The following ASTN1 variants were observed in gnomAD, a reference collection of about 807,000 sequenced individuals.
The protein encoded by ASTN1 is astrotactin 1, also known as astrotactin-1.
Under a neutral mutation model 140.7 loss-of-function variants are expected in ASTN1, and 41 were observed. That is an observed-to-expected ratio of 0.29 (90% CI 0.23 to 0.38). The LOEUF (loss-of-function observed/expected upper bound fraction) is 0.38. Ranked by LOEUF, ASTN1 falls within the 10% of genes least tolerant of loss-of-function variation. The pLI is 1.00. For synonymous variants in ASTN1, 640 were observed against 652.2 expected (o/e 0.98, Z 0.29); for missense variants, 1,479 against 1,678.8 (o/e 0.88, Z 2.08).
chr1:177,035,419 T>C (rs1364965921), intron 2 of ASTN1, among the ~76,000 whole-genome samples: 3 of 152,178 alleles, frequency 2.0e-5, no homozygotes, highest in African/African-American at 7.2e-5. Flanking sequence ...ATTCAAATAC[T>C]CAAATTTCAA....
In ASTN1 at chr1:177,040,244, T is replaced by C. The variant is rs550120173; in HGVS notation, c.472-7395A>G. Among the ~76,000 whole-genome samples the C allele has an allele frequency of 2.0e-4, 30 of 152,368 alleles. No individual in the cohort carries two copies. The South Asian group carries it at 2.5e-3, about 13-fold the overall frequency. On this transcript the variant is annotated intron_variant, in intron 2 of 22. Coordinates refer to ENST00000361833, the MANE Select transcript of ASTN1 (RefSeq NM_004319.3). ...AGATTACCTCCTCTTGGGGGTTTTCTGAAGTCTTTAATCGTGTGGAAAGGC... is the reference window on the plus strand; with the variant it reads ...AGATTACCTCCTCTTGGGGGTTTTCCGAAGTCTTTAATCGTGTGGAAAGGC...
chr1:176,998,772 A>G (rs558186713), intron 8 of ASTN1, among the ~76,000 whole-genome samples: 1 of 152,322 alleles, frequency 6.6e-6, no homozygotes, highest in East Asian at 1.9e-4. Flanking sequence ...TGTCACCCAC[A>G]AAACTGCTTA....
intron 20 of ASTN1, among the ~76,000 whole-genome samples, chr1:176,878,533 CCATATGCTGATGTTTCATCA>C (rs1418481674): frequency 6.6e-6 from 1 of 151,984 alleles, no homozygotes; most frequent in East Asian, 1.9e-4. Context: ...GCCCCACATG[CCATATGCTGATGTTTCATCA>C]GCTTCTGGTA....
At chr1:177,022,587 C>T (rs1173073327) in intron 7 of ASTN1, among the ~76,000 whole-genome samples, 4 of 152,130 alleles carry the variant, frequency 2.6e-5, no homozygotes, top group Non-Finnish European at 5.9e-5. Flanking sequence ...TCAGGGAAAC[C>T]CCAGCTCCAT....
chr1:177,025,848 G>A (rs1452588622), intron 5 of ASTN1, among the ~76,000 whole-genome samples: 2 of 152,148 alleles, frequency 1.3e-5, no homozygotes, highest in African/African-American at 4.8e-5. Context: ...CAGTGCTCAG[G>A]GTTTGATGTG....
At chr1:176,946,706 C>G (rs889924350) in intron 12 of ASTN1, among the ~76,000 whole-genome samples, 1 of 152,178 alleles carries the variant, frequency 6.6e-6, no homozygotes, top group Non-Finnish European at 1.5e-5. Context: ...TTAGGAGTAG[C>G]CTTCCTGAAC....
rs554726991 is a variant in ASTN1, at chr1:177,058,257, T to C, written c.471+2821A>G. 6.6e-5 allele frequency among the ~76,000 whole-genome samples: 10 copies of C among 152,268 alleles called. No individual in the cohort carries two copies. In the South Asian group the frequency reaches 1.0e-3, roughly 16 times the overall value. On this transcript the variant is annotated intron_variant, in intron 2 of 22. Transcript: ENST00000361833. ...TCCTGTTCTGTGGAAGTCAAAGGCC[T>C]TCCTGATTTTTTTATGGAGATGTTG...
rs752231658 is a variant in ASTN1 at position 177,014,049 on chromosome 1, TA to T, written c.1523+741del. Among the ~76,000 whole-genome samples, 1,032 of 134,340 alleles carry T rather than the reference TA, an allele frequency of 7.7e-3. 6 individuals carry two copies. Among genetic ancestry groups the T allele is most frequent in the Middle Eastern group, 0.027 (7 of 264 alleles). The allele number at this position is 134,340 out of a possible 152,430, so 88.1% of individuals were successfully genotyped here. A position where few individuals can be genotyped will look rare whatever the true frequency, so the allele number is the denominator to read the frequency against. On this transcript the variant is annotated intron_variant, in intron 8 of 22. Coordinates refer to ENST00000361833, the MANE Select transcript of ASTN1 (RefSeq NM_004319.3). ...CAACAAAGCAAGACAATGTCTCAAT[TA>T]AAAAAAAAAAAAAGGCAATAGAAAG...
intron 13 of ASTN1, among the ~76,000 whole-genome samples, chr1:176,945,032 C>T (rs1671892491): frequency 6.6e-6 from 1 of 152,118 alleles, no homozygotes; most frequent in African/African-American, 2.4e-5. Flanking sequence ...TACTGACATC[C>T]TCCTCCTCTT....
At chr1:176,894,254 T>G (rs1398474135) in intron 17 of ASTN1, among the ~76,000 whole-genome samples, 1 of 151,518 alleles carries the variant, frequency 6.6e-6, no homozygotes, top group Non-Finnish European at 1.5e-5. Context: ...GGCACGAGGG[T>G]TCTCTGAACA....
At chr1:177,055,389 G>A (rs141382454) in intron 2 of ASTN1, among the ~76,000 whole-genome samples, 3 of 152,362 alleles carry the variant, frequency 2.0e-5, no homozygotes, top group African/African-American at 7.2e-5. Flanking sequence ...CCAAACCTTA[G>A]TTGGCACTTG....
intron 8 of ASTN1, among the ~76,000 whole-genome samples, chr1:176,974,845 G>C (rs1244297595): frequency 6.6e-6 from 1 of 152,130 alleles, no homozygotes; most frequent in African/African-American, 2.4e-5. Flanking sequence ...AAACATAAAT[G>C]TAGTGTTCAC....
At chr1:176,915,470 C>T (rs189923881) in intron 16 of ASTN1, among the ~76,000 whole-genome samples, 103 of 152,322 alleles carry the variant, frequency 6.8e-4, no homozygotes, top group South Asian at 3.1e-3. Context: ...TTCCCAGCAA[C>T]CTCCAGAACA....
chr1:177,002,376 AACACACACACACACACAC>A (rs3979529), intron 8 of ASTN1, among the ~76,000 whole-genome samples: 7 of 148,676 alleles, frequency 4.7e-5, no homozygotes, highest in Admixed American at 1.3e-4. Flanking sequence ...CTTACACACA[AACACACACACACACACAC>A]ACACACACAC....
chr1:176,950,927 A>C lies in ASTN1; in HGVS notation c.1888-1576T>G, dbSNP rs956381965. On this transcript the variant is annotated intron_variant, in intron 11 of 22. Coordinates refer to ENST00000361833, the MANE Select transcript of ASTN1 (RefSeq NM_004319.3). Reference sequence around the variant, plus strand: ...TGGTTTGCACTTTCTCTTTGCTGCCAAGCACCTTGTCTTAGTAGCCCACAG... The same window carrying C: ...TGGTTTGCACTTTCTCTTTGCTGCCCAGCACCTTGTCTTAGTAGCCCACAG... 2.0e-5 allele frequency among the ~76,000 whole-genome samples: 3 copies of C among 152,084 alleles called. No individual in the cohort carries two copies. The South Asian group carries it at 6.2e-4, about 32-fold the overall frequency.
chr1:176,895,204 A>T (rs1359537165), intron 16 of ASTN1, among the ~76,000 whole-genome samples: 1 of 152,220 alleles, frequency 6.6e-6, no homozygotes, highest in East Asian at 1.9e-4. Flanking sequence ...TATGTCTAGC[A>T]TTGGGTAATG....
intron 1 of ASTN1, among the ~76,000 whole-genome samples, chr1:177,107,240 T>C (rs1432346531): frequency 6.6e-6 from 1 of 151,894 alleles, no homozygotes; most frequent in Non-Finnish European, 1.5e-5. Flanking sequence ...TGGTAGAGGG[T>C]TCATAGCTCA....
At chr1:177,054,040 G>A (rs1677674015) in intron 2 of ASTN1, among the ~76,000 whole-genome samples, 1 of 152,204 alleles carries the variant, frequency 6.6e-6, no homozygotes. Context: ...AAAAGTTGGT[G>A]AAATGACACA....
chr1:177,012,573 G>A (rs1435763723), intron 8 of ASTN1, among the ~76,000 whole-genome samples: 1 of 152,224 alleles, frequency 6.6e-6, no homozygotes, highest in African/African-American at 2.4e-5. Flanking sequence ...GTTTCTGTCA[G>A]TCTATAACTC....
Sources: allele counts gnomAD v4.1 joint callset (sites outside exome capture counted in the v4.1 genomes callset), GRCh38; gene constraint gnomAD v4.1.1; transcripts MANE v1.5; gene names NCBI Gene and HGNC (gene_info 2026-07-23, HGNC 2026-07-21).